The following LRRTM4 variants were observed in gnomAD, a reference collection of about 807,000 sequenced individuals.
The protein encoded by LRRTM4 is leucine rich repeat transmembrane neuronal 4.
In LRRTM4, 25 loss-of-function variants were observed where a neutral mutation model predicts 47.6. The ratio of observed to expected loss-of-function variants is 0.53; its 90% CI spans 0.38 to 0.73. The LOEUF is 0.73. Ranked by LOEUF, LRRTM4 falls within the 30% of genes least tolerant of loss-of-function variation. The probability of loss-of-function intolerance (pLI) is 0.00; values close to 1 mark genes in which losing one functional copy is unlikely to be tolerated. For missense variants in LRRTM4, 638 were observed against 713.4 expected (o/e 0.89, Z 1.20); for synonymous variants, 311 against 269.5 (o/e 1.15, Z -1.51).
intron 3 of LRRTM4, among the ~76,000 whole-genome samples, chr2:76,822,804 T>C (rs55729947): frequency 0.46 from 69,296 of 151,178 alleles, 16,981 homozygotes; most frequent in East Asian, 0.76. Flanking sequence ...TATTTATTAT[T>C]TATTTATTTA....
In LRRTM4 at chr2:77,091,925, C is replaced by T. The variant is rs192051795; in HGVS notation, c.1552-343009G>A. Among the ~76,000 whole-genome samples the T allele has an allele frequency of 2.9e-3, 421 of 143,456 alleles. 6 individuals are homozygous for T. The highest frequency in any genetic ancestry group is 4.8e-3 in the Non-Finnish European group (325 of 67,552). 94.1% of individuals were successfully genotyped at this position (143,456 alleles called of 152,430 possible). On this transcript the variant is annotated intron_variant, in intron 3 of 3. Transcript: ENST00000409884. The stretch of plus-strand genomic sequence containing the variant: ...CTTTCCTTCCTGGGCATGGTTAGCG[C>T]GGTCAGAATTCTTACACAAGAACCA...
chr2:77,513,380 CTT>C (rs1679091782), intron 3 of LRRTM4, among the ~76,000 whole-genome samples: 1 of 152,072 alleles, frequency 6.6e-6, no homozygotes, highest in Non-Finnish European at 1.5e-5. Flanking sequence ...CCGAGAATTG[CTT>C]TGTGTTGGGA....
chr2:77,282,246 T>C (rs1273048745), intron 3 of LRRTM4, among the ~76,000 whole-genome samples: 1 of 151,896 alleles, frequency 6.6e-6, no homozygotes, highest in Non-Finnish European at 1.5e-5. Context: ...GCTTCAATTT[T>C]ATTGGTGTAT....
intron 3 of LRRTM4, among the ~76,000 whole-genome samples, chr2:77,139,429 C>T (rs1672049591): frequency 6.6e-6 from 1 of 152,294 alleles, no homozygotes; most frequent in African/African-American, 2.4e-5. Flanking sequence ...CAACAGCCTT[C>T]ATGCTAAAAA....
intron 3 of LRRTM4, among the ~76,000 whole-genome samples, chr2:77,407,683 TA>T (rs1367669128): frequency 0.028 from 3,943 of 139,340 alleles, 196 homozygotes; most frequent in African/African-American, 0.099. Flanking sequence ...ATATAATATT[TA>T]ATATAATATA....
chr2:77,135,214 T>G (rs141230535), intron 3 of LRRTM4, among the ~76,000 whole-genome samples: 2 of 152,326 alleles, frequency 1.3e-5, no homozygotes, highest in African/African-American at 4.8e-5. Context: ...ACATCACTAC[T>G]CATAGGTTGA....
intron 3 of LRRTM4, among the ~76,000 whole-genome samples, chr2:77,396,192 TAAC>T (rs1395998915): frequency 6.6e-6 from 1 of 151,920 alleles, no homozygotes; most frequent in Non-Finnish European, 1.5e-5. Flanking sequence ...GATTAGCATA[TAAC>T]AACCCCCTTA....
At chr2:76,798,062 A>T (rs569039013) in intron 3 of LRRTM4, among the ~76,000 whole-genome samples, 4 of 150,632 alleles carry the variant, frequency 2.7e-5, no homozygotes, top group Admixed American at 2.6e-4. Flanking sequence ...GTCAACAAGG[A>T]TACCCAGGAA....
chr2:76,752,205 G>A (rs892012142), intron 3 of LRRTM4, among the ~76,000 whole-genome samples: 1 of 152,128 alleles, frequency 6.6e-6, no homozygotes, highest in African/African-American at 2.4e-5. Flanking sequence ...TGAATCTACA[G>A]ATGAAAATAA....
At chr2:76,783,379 G>A (rs1674499958) in intron 3 of LRRTM4, among the ~76,000 whole-genome samples, 1 of 151,874 alleles carries the variant, frequency 6.6e-6, no homozygotes, top group African/African-American at 2.4e-5. Context: ...TTTTTTAATG[G>A]TAAAATATAC....
At chr2:76,799,921 A>T (rs1675567861) in intron 3 of LRRTM4, among the ~76,000 whole-genome samples, 1 of 150,890 alleles carries the variant, frequency 6.6e-6, no homozygotes, top group Non-Finnish European at 1.5e-5. Flanking sequence ...CTTCAAGGAG[A>T]ACTACAAACC....
chr2:76,758,094 AAACCATTTCT>A (rs1309217457), intron 3 of LRRTM4, among the ~76,000 whole-genome samples: 2 of 152,070 alleles, frequency 1.3e-5, no homozygotes, highest in Non-Finnish European at 2.9e-5. Context: ...GATCTATATA[AAACCATTTCT>A]AGTGCCCTTA....
At chr2:77,074,995 T>C (rs1235345400) in intron 3 of LRRTM4, among the ~76,000 whole-genome samples, 1 of 152,184 alleles carries the variant, frequency 6.6e-6, no homozygotes, top group Non-Finnish European at 1.5e-5. Context: ...ATATCTAGAC[T>C]CCTAACTTGT....
chr2:76,783,723 C>G (rs1259703159), intron 3 of LRRTM4, among the ~76,000 whole-genome samples: 1 of 152,084 alleles, frequency 6.6e-6, no homozygotes, highest in Non-Finnish European at 1.5e-5. Flanking sequence ...ATTTGGCATC[C>G]CTATTTCCCG....
chr2:77,427,458 A>T (rs1675167903), intron 3 of LRRTM4, among the ~76,000 whole-genome samples: 1 of 152,218 alleles, frequency 6.6e-6, no homozygotes, highest in Admixed American at 6.5e-5. Context: ...TTTCCCTATA[A>T]GGACATGTTT....
intron 3 of LRRTM4, among the ~76,000 whole-genome samples, chr2:77,509,509 G>T (rs567467343): frequency 3.9e-5 from 6 of 152,022 alleles, no homozygotes; most frequent in Non-Finnish European, 8.8e-5. Context: ...GGGACGGAAA[G>T]GTCATGTTTA....
intron 3 of LRRTM4, among the ~76,000 whole-genome samples, chr2:77,362,834 T>C (rs1304042644): frequency 7.2e-5 from 11 of 152,142 alleles, no homozygotes. Flanking sequence ...AACATGCCTG[T>C]AGGATTGAGA....
rs143749995 is a variant in LRRTM4, at chr2:76,875,609, T to C, written c.1552-126693A>G. Among the ~76,000 whole-genome samples the C allele has an allele frequency of 7.0e-3, 1,062 of 152,264 alleles. 19 individuals are homozygous for C. Among genetic ancestry groups the C allele is most frequent in the African/African-American group, 0.025 (1,030 of 41,568 alleles). On this transcript the variant is annotated intron_variant, in intron 3 of 3. Transcript: ENST00000409884. ...AAGGGAATAGCAAGTTGCATTTTGA[T>C]GACTGGCAAACATTAGCAAAAAAGA...
At chr2:77,305,889 A>G (rs1201452946) in intron 3 of LRRTM4, among the ~76,000 whole-genome samples, 1 of 152,138 alleles carries the variant, frequency 6.6e-6, no homozygotes, top group Non-Finnish European at 1.5e-5. Flanking sequence ...TCACTGATTC[A>G]GCATACAATA....
Sources: allele counts gnomAD v4.1 joint callset (sites outside exome capture counted in the v4.1 genomes callset), GRCh38; gene constraint gnomAD v4.1.1; transcripts MANE v1.5; gene names NCBI Gene and HGNC (gene_info 2026-07-23, HGNC 2026-07-21).